The following FBN1 variants were observed in gnomAD, a reference collection of about 807,000 sequenced individuals.
FBN1 encodes the protein fibrillin-1.
In FBN1, 29 loss-of-function variants were observed where a neutral mutation model predicts 365.1. That is an observed-to-expected ratio of 0.08 (90% CI 0.06 to 0.11). The LOEUF is 0.11. Among genes scored for constraint, FBN1 ranks in the 10% least tolerant of loss-of-function variants. The probability of loss-of-function intolerance (pLI) is 1.00; values close to 1 mark genes in which losing one functional copy is unlikely to be tolerated. For missense variants in FBN1, 2,476 were observed against 3,703.2 expected, an observed-to-expected ratio of 0.67 and a Z score of 8.60; for synonymous variants, 1,210 against 1,270.5, an observed-to-expected ratio of 0.95 and a Z score of 1.01.
At chr15:48,492,829 A>G (rs184481019) in intron 23 of FBN1, among the ~76,000 whole-genome samples, 91 of 152,310 alleles carry the variant, frequency 6.0e-4, no homozygotes, top group Non-Finnish European at 1.1e-3. Flanking sequence ...AGTTGTAGAG[A>G]CAGGCAGCTG....
chr15:48,619,803 C>T (rs1352580573), intron 2 of FBN1, among the ~76,000 whole-genome samples: 3 of 150,614 alleles, frequency 2.0e-5, no homozygotes, highest in East Asian at 1.9e-4. Context: ...TAATTTGTAC[C>T]TCAAACAATC....
At chr15:48,644,541 T>C in intron 2 of FBN1, 65 bp downstream of exon 2, 1 of 1,608,054 alleles carries the variant, frequency 6.2e-7, no homozygotes, top group Non-Finnish European at 8.5e-7. Context: ...AGAGTCATCC[T>C]GCCCGTTGTT....
intron 10 of FBN1, 48 bp from the exon 11 acceptor site, chr15:48,516,410 T>C: frequency 6.4e-7 from 1 of 1,571,942 alleles, no homozygotes; most frequent in Non-Finnish European, 8.7e-7. Context: ...CTGTAGCTTA[T>C]GATCATAGGC....
chr15:48,476,589 C>T (rs2043419502), intron 32 of FBN1, among the ~76,000 whole-genome samples: 1 of 149,338 alleles, frequency 6.7e-6, no homozygotes, highest in Non-Finnish European at 1.5e-5. Flanking sequence ...CCTAGCTGAG[C>T]TTCTTTCTTT....
chr15:48,607,527 T>TA (rs11417261), intron 4 of FBN1, among the ~76,000 whole-genome samples: 28,152 of 146,484 alleles, frequency 0.19, 7,994 homozygotes, highest in African/African-American at 0.62. Flanking sequence ...AGTATCCTTA[T>TA]AAAAAAAAAA....
chr15:48,453,770 ATCT>A lies in FBN1; in HGVS notation c.5423-1089_5423-1087del, dbSNP rs35412349. 2.6e-3 allele frequency among the ~76,000 whole-genome samples: 389 copies of A among 152,160 alleles called. 3 individuals carry two copies. The highest frequency in any genetic ancestry group is 6.2e-3 in the Admixed American group (94 of 15,264). On this transcript the variant is annotated intron_variant, in intron 44 of 65. Coordinates refer to ENST00000316623, the MANE Select transcript of FBN1 (RefSeq NM_000138.5). ...TGTAGGGGTAGGGAATATATGATAA[ATCT>A]TTGTGCCTTCTTCTCAATATCGCTG...
intron 12 of FBN1, 55 bp downstream of exon 12, chr15:48,515,332 T>C (rs573872278): frequency 5.2e-4 from 834 of 1,604,220 alleles, no homozygotes; most frequent in Non-Finnish European, 4.5e-4. Flanking sequence ...ACCAGTAGAG[T>C]CAAGGAACAG....
chr15:48,451,916 G>GCTTC (rs1236006919), intron 45 of FBN1, among the ~76,000 whole-genome samples: 3 of 152,170 alleles, frequency 2.0e-5, no homozygotes, highest in African/African-American at 7.2e-5. Flanking sequence ...ATGCCAACGT[G>GCTTC]CTTCCTATTT....
intron 17 of FBN1, among the ~76,000 whole-genome samples, chr15:48,500,579 TAAGTA>T (rs1395089167): frequency 6.6e-6 from 1 of 152,096 alleles, no homozygotes; most frequent in Non-Finnish European, 1.5e-5. Flanking sequence ...AATAAAAAAA[TAAGTA>T]AATAAAAGTA....
chr15:48,534,878 C>G (rs1299316904), intron 7 of FBN1, among the ~76,000 whole-genome samples: 1 of 152,202 alleles, frequency 6.6e-6, no homozygotes, highest in Non-Finnish European at 1.5e-5. Flanking sequence ...ACAGTGGCCA[C>G]CAGAAGCCAC....
intron 32 of FBN1, among the ~76,000 whole-genome samples, chr15:48,481,275 C>T (rs895182812): frequency 6.6e-6 from 1 of 152,044 alleles, no homozygotes; most frequent in Non-Finnish European, 1.5e-5. Flanking sequence ...CAGTTATAAA[C>T]CTTAAATGAA....
Position 48,437,793 on chromosome 15 carries a change from G to C in FBN1, c.6288C>G (p.Cys2096Trp). 6.2e-7 allele frequency: 1 copy of C among 1,613,806 alleles called. No individual in the cohort carries two copies. The highest frequency in any genetic ancestry group is 8.5e-7 in the Non-Finnish European group (1 of 1,179,838). ...CATCAGGTTCCGTGGGGCAGAGCTC[G>C]CAGGGGTCTCCCCAGCCTTCTCCCT... ...ALKGEGWGDP[C>W]ELCPTEPDEA... is the part of the protein sequence containing the mutation. The change falls in exon 51 of 66, where the codon TGC becomes TGG. Residue 2096 changes from cysteine (C) to tryptophan (W), a missense_variant. Around this residue, in one of 5 missense-constraint regions of FBN1, gnomAD observed 1,780 missense variants for 2,840.8 expected, o/e 0.63. Transcript: ENST00000316623.
At chr15:48,610,859 G>C (rs2044651114) in intron 3 of FBN1, 33 bp from the exon 4 acceptor site, 1 of 1,569,456 alleles carries the variant, frequency 6.4e-7, no homozygotes, top group Admixed American at 1.7e-5. Context: ...TTAGCACATG[G>C]ATTTGGAACA....
In FBN1 at chr15:48,437,934, T is replaced by C. The variant is rs201925385; in HGVS notation, c.6164-17A>G. On this transcript the variant is annotated splice_polypyrimidine_tract_variant and intron_variant, in intron 50 of 65. Transcript: ENST00000316623. Reference sequence around the variant, plus strand: ...TTCGCAAATCTGCAGCATAAATTTATGACACCCTTCAGTTGCTTTCCTACT... The same window carrying C: ...TTCGCAAATCTGCAGCATAAATTTACGACACCCTTCAGTTGCTTTCCTACT... The C allele has an allele frequency of 1.9e-6, 3 of 1,613,414 alleles. No individual in the cohort carries two copies. Among genetic ancestry groups the C allele is most frequent in the East Asian group, 2.2e-5 (1 of 44,862 alleles).
At chr15:48,574,451 G>A (rs955709665) in intron 6 of FBN1, among the ~76,000 whole-genome samples, 7 of 152,070 alleles carry the variant, frequency 4.6e-5, no homozygotes, top group African/African-American at 1.7e-4. Context: ...CTGCTTCCAG[G>A]TTGTAAATGG....
intron 6 of FBN1, among the ~76,000 whole-genome samples, chr15:48,581,937 C>G (rs573787910): frequency 3.5e-4 from 53 of 152,278 alleles, no homozygotes; most frequent in Non-Finnish European, 6.0e-4. Context: ...CAATCTCACT[C>G]TTTGCTATAA....
intron 42 of FBN1, among the ~76,000 whole-genome samples, chr15:48,462,428 A>G (rs867999577): frequency 2.0e-4 from 31 of 152,262 alleles, no homozygotes; most frequent in Middle Eastern, 3.4e-3. Flanking sequence ...CTCGATCTCA[A>G]TATCAAGAAA....
chr15:48,586,704 G>A (rs1337453760), intron 6 of FBN1, among the ~76,000 whole-genome samples: 1 of 152,164 alleles, frequency 6.6e-6, no homozygotes, highest in Non-Finnish European at 1.5e-5. Flanking sequence ...CCCAAAAGGT[G>A]AATGATTAAA....
At chr15:48,494,552 C>A (rs942070491) in intron 22 of FBN1, among the ~76,000 whole-genome samples, 2 of 152,196 alleles carry the variant, frequency 1.3e-5, no homozygotes, top group African/African-American at 4.8e-5. Flanking sequence ...AGCTTTCTCT[C>A]TTGCTGTTCA....
Sources: allele counts gnomAD v4.1 joint callset (sites outside exome capture counted in the v4.1 genomes callset), GRCh38; gene constraint gnomAD v4.1.1; regional missense constraint gnomAD v4.1.1; transcripts MANE v1.5; gene names NCBI Gene and HGNC (gene_info 2026-07-23, HGNC 2026-07-21).